Variants in SNX16 observed in about 807,000 individuals in gnomAD.
SNX16 encodes the protein sorting nexin-16.
Under a neutral mutation model 36.7 loss-of-function variants are expected in SNX16, and 35 were observed. The ratio of observed to expected loss-of-function variants is 0.95; its 90% confidence interval spans 0.73 to 1.27. SNX16 has a LOEUF of 1.27. Among genes scored for constraint, SNX16 ranks in the 50% most tolerant of loss-of-function variants. SNX16 has a pLI of 0.00. For missense variants in SNX16, 367 were observed against 393.6 expected, an observed-to-expected ratio of 0.93 and a Z score of 0.57; for synonymous variants, 134 against 132.0, an observed-to-expected ratio of 1.02 and a Z score of -0.10.
chr8:81,808,309 A>T (rs535452749), intron 5 of SNX16: 14 of 1,200,474 alleles, frequency 1.2e-5, no homozygotes, highest in Non-Finnish European at 1.7e-5. Context: ...AGTTAGGAAG[A>T]CCTGTCAAAG....
At chr8:81,831,197 C>G (rs1435739385) in intron 2 of SNX16, among the ~76,000 whole-genome samples, 1 of 152,112 alleles carries the variant, frequency 6.6e-6, no homozygotes, top group East Asian at 1.9e-4. Flanking sequence ...TTCTGGACAT[C>G]GGCCTTGGGA....
At chr8:81,809,050 GAAT>G (rs1810104622) in intron 5 of SNX16, among the ~76,000 whole-genome samples, 1 of 151,434 alleles carries the variant, frequency 6.6e-6, no homozygotes, top group Non-Finnish European at 1.5e-5. Context: ...TTGTGATACT[GAAT>G]AAATGTCTTT....
Position 81,802,491 on chromosome 8 carries a change from G to C in SNX16, c.827C>G (p.Ser276Cys). ...DTLENRIRTL[S>C]LEPEESLDVS... is the part of the protein sequence containing the mutation. Reference sequence around the variant, plus strand: ...ATCCAGTGATTCTTCAGGTTCTAAAGACAATGTTCTAAAAGTATGTTATAG... The same window carrying C: ...ATCCAGTGATTCTTCAGGTTCTAAACACAATGTTCTAAAAGTATGTTATAG... Residue 276 changes from serine (S) to cysteine (C), a missense_variant, in exon 7 of 8, where the codon TCT becomes TGT. Physicochemically the swap from Ser to Cys is moderately radical, Grantham distance 112. Transcript: ENST00000345957. 6.2e-7 allele frequency: 1 copy of C among 1,605,338 alleles called. No homozygotes were observed. Among genetic ancestry groups the C allele is most frequent in the Non-Finnish European group, 8.5e-7 (1 of 1,175,936 alleles).
chr8:81,815,552 A>AAAG, intron 4 of SNX16, 158 bp from the exon 5 acceptor site: 1 of 501,638 alleles, frequency 2.0e-6, no homozygotes. Context: ...TAGAAGATGC[A>AAAG]AAGATCTTAA....
chr8:81,831,190 T>C (rs1041906684), intron 2 of SNX16, among the ~76,000 whole-genome samples: 15 of 152,196 alleles, frequency 9.9e-5, no homozygotes, highest in Admixed American at 9.8e-4. Flanking sequence ...AACACCATTC[T>C]GGACATCGGC....
intron 5 of SNX16, among the ~76,000 whole-genome samples, chr8:81,811,376 G>C (rs748440193): frequency 1.3e-5 from 2 of 152,092 alleles, no homozygotes; most frequent in East Asian, 3.8e-4. Context: ...AGATGGGAAA[G>C]GATTCAGCAG....
chr8:81,807,899 G>A, intron 5 of SNX16: 1 of 767,326 alleles, frequency 1.3e-6, no homozygotes, highest in Non-Finnish European at 2.4e-6. Context: ...CTCACGAACT[G>A]TGCGGTAATG....
chr8:81,829,800 T>C (rs1341294010), intron 2 of SNX16, among the ~76,000 whole-genome samples: 1 of 152,154 alleles, frequency 6.6e-6, no homozygotes, highest in East Asian at 1.9e-4. Context: ...TTTATGTCAA[T>C]ATATTCTAAA....
chr8:81,833,223 C>T (rs375361345), intron 2 of SNX16, among the ~76,000 whole-genome samples: 3 of 149,516 alleles, frequency 2.0e-5, no homozygotes, highest in African/African-American at 7.4e-5. Flanking sequence ...AGATGTGATT[C>T]ACAATTACTG....
At chr8:81,839,575 C>G (rs781695678) in intron 2 of SNX16, 37 bp downstream of exon 2, 3 of 1,535,122 alleles carry the variant, frequency 2.0e-6, no homozygotes, top group Non-Finnish European at 2.6e-6. Context: ...GCCAATCTTT[C>G]ACTTTGTAGT....
chr8:81,811,734 C>T (rs1442147770), intron 5 of SNX16, among the ~76,000 whole-genome samples: 1 of 151,918 alleles, frequency 6.6e-6, no homozygotes, highest in Non-Finnish European at 1.5e-5. Context: ...CAGTGTATCA[C>T]CTAAAATATC....
At chr8:81,819,466 GGCCAATGATCACTAATTCTT>G (rs1180819396) in intron 4 of SNX16, among the ~76,000 whole-genome samples, 1 of 151,792 alleles carries the variant, frequency 6.6e-6, no homozygotes, top group Non-Finnish European at 1.5e-5. Context: ...TTCCTTGCTG[GGCCAATGATCACTAATTCTT>G]TAAAGTGCAG....
At chr8:81,824,768 G>A (rs915680811) in intron 3 of SNX16, among the ~76,000 whole-genome samples, 2 of 152,084 alleles carry the variant, frequency 1.3e-5, no homozygotes, top group Non-Finnish European at 2.9e-5. Context: ...AGTGATACAA[G>A]ATAACCATTT....
At chr8:81,820,240 C>A (rs1280950359) in intron 4 of SNX16, among the ~76,000 whole-genome samples, 2 of 150,878 alleles carry the variant, frequency 1.3e-5, no homozygotes, top group African/African-American at 2.5e-5. Context: ...GATTTCCCCC[C>A]CTTCCTTTTT....
chr8:81,825,234 A>G (rs1810957776), intron 3 of SNX16, among the ~76,000 whole-genome samples: 1 of 152,188 alleles, frequency 6.6e-6, no homozygotes, highest in Non-Finnish European at 1.5e-5. Context: ...GGAAGAGCAT[A>G]TGGGACTAAA....
chr8:81,802,956 C>A (rs1313417350), intron 6 of SNX16, 136 bp downstream of exon 6: 11 of 707,134 alleles, frequency 1.6e-5, no homozygotes, highest in Non-Finnish European at 2.1e-5. Context: ...GCATAATTTT[C>A]CCAATGAAGT....
chr8:81,833,973 T>C (rs1367843893), intron 2 of SNX16, among the ~76,000 whole-genome samples: 1 of 152,250 alleles, frequency 6.6e-6, no homozygotes, highest in Non-Finnish European at 1.5e-5. Flanking sequence ...GTGCAATTCA[T>C]AAGCGTACAA....
At position 81,810,475 on chromosome 8, in the gene SNX16, T is replaced by C. The variant is rs139472436; in HGVS notation, c.681+4850A>G. 2.0e-3 allele frequency among the ~76,000 whole-genome samples: 301 copies of C among 152,272 alleles called. 2 individuals carry two copies. Among genetic ancestry groups the C allele is most frequent in the African/African-American group, 7.0e-3 (289 of 41,558 alleles). On this transcript the variant is annotated intron_variant, in intron 5 of 7. Coordinates refer to ENST00000345957, the MANE Select transcript of SNX16 (RefSeq NM_152836.3). ...AGTCTGCAGACAAAAGAGATATATA[T>C]CTCATTAGGTTACTGTAGATTTTAC...
intron 1 of SNX16, among the ~76,000 whole-genome samples, chr8:81,840,890 T>G (rs1811723065): frequency 6.6e-6 from 1 of 152,234 alleles, no homozygotes; most frequent in African/African-American, 2.4e-5. Context: ...ACTATTACTT[T>G]GTTAAATAAT....
Sources: allele counts gnomAD v4.1 joint callset (sites outside exome capture counted in the v4.1 genomes callset), GRCh38; gene constraint gnomAD v4.1.1; transcripts MANE v1.5; gene names NCBI Gene and HGNC (gene_info 2026-07-23, HGNC 2026-07-21).